COBLL1: variants seen among roughly 807,000 people sequenced by gnomAD.
COBLL1 encodes the protein cordon-bleu WH2 repeat protein like 1.
COBLL1 carries 50 observed loss-of-function variants against 94.8 expected under a neutral mutation model. That is an observed-to-expected ratio of 0.53 (90% CI 0.42 to 0.67). The LOEUF (loss-of-function observed/expected upper bound fraction) is 0.67, where lower values mean the gene tolerates loss of function less well. Among genes scored for constraint, COBLL1 ranks in the 30% least tolerant of loss-of-function variants. COBLL1 has a pLI of 0.00. For missense variants in COBLL1, 1,362 were observed against 1,348.7 expected, an observed-to-expected ratio of 1.01 and a Z score of -0.15; for synonymous variants, 448 against 473.8, an observed-to-expected ratio of 0.95 and a Z score of 0.71.
intron 1 of COBLL1, among the ~76,000 whole-genome samples, chr2:164,667,167 G>A (rs1019590655): frequency 7.9e-5 from 12 of 151,998 alleles, no homozygotes; most frequent in Admixed American, 6.5e-4. Flanking sequence ...CATTATCAAT[G>A]AACAGTAATA....
chr2:164,687,903 A>C, intron 13 of COBLL1: 1 of 236,540 alleles, frequency 4.2e-6, no homozygotes, highest in Non-Finnish European at 8.4e-6. Flanking sequence ...TGTTTTAGGC[A>C]TTTAGAAAAC....
In COBLL1 at chr2:164,700,535, T is replaced by C; in HGVS notation, c.1447A>G (p.Ser483Gly). ...NSMEEKQETK[S>G]TDGQEPHSVV... Reference sequence around the variant, plus strand: ...GAGACTACTTACTGTCCATCTGTGCTTTTAGTTTCTTGTTTTTCTTCCATG... The same window carrying C: ...GAGACTACTTACTGTCCATCTGTGCCTTTAGTTTCTTGTTTTTCTTCCATG... Residue 483 changes from serine (S) to glycine (G), a missense_variant, in exon 10 of 14, where the codon AGC (serine) becomes GGC (glycine). Coordinates refer to ENST00000652658, the MANE Select transcript of COBLL1 (RefSeq NM_001365672.2). The C allele has an allele frequency of 6.2e-7, 1 of 1,611,988 alleles. No homozygotes were observed. Among genetic ancestry groups the C allele is most frequent in the Non-Finnish European group, 8.5e-7 (1 of 1,178,260 alleles).
intron 2 of COBLL1, among the ~76,000 whole-genome samples, chr2:164,664,693 A>G (rs748602396): frequency 1.3e-5 from 2 of 152,240 alleles, no homozygotes; most frequent in African/African-American, 4.8e-5. Context: ...TAATTTCTTC[A>G]TAAGGCGTCT....
intron 2 of COBLL1, among the ~76,000 whole-genome samples, chr2:164,812,842 A>G (rs1257346686): frequency 2.0e-5 from 3 of 152,138 alleles, no homozygotes; most frequent in African/African-American, 4.8e-5. Flanking sequence ...AGCATTATGC[A>G]GTTGCACCCT....
Position 164,692,385 on chromosome 2 carries a change from C to T in COBLL1, c.3136G>A (p.Ala1046Thr). ...ATTTGGGAATTCTGTTCATTATGTG[C>T]AGAGTTATTTTCCTACAAAAATAAA... Reference protein sequence around the residue: ...LGVSDKENNSAHNEQNSQIPT... With the variant: ...LGVSDKENNSTHNEQNSQIPT... Residue 1046 changes from alanine (A) to threonine (T), a missense_variant, in exon 13 of 14, where the codon GCA (alanine) becomes ACA (threonine). Coordinates refer to ENST00000652658, the MANE Select transcript of COBLL1 (RefSeq NM_001365672.2). The T allele has an allele frequency of 6.2e-7, 1 of 1,601,860 alleles. No individual in the cohort carries two copies. Among genetic ancestry groups the T allele is most frequent in the Non-Finnish European group, 8.5e-7 (1 of 1,175,808 alleles).
chr2:164,788,812 T>C (rs1349460769), intron 2 of COBLL1, among the ~76,000 whole-genome samples: 3 of 146,974 alleles, frequency 2.0e-5, no homozygotes, highest in Non-Finnish European at 3.0e-5. Context: ...CTGGTCAACA[T>C]AGTGAGACCC....
At chr2:164,740,421 A>C (rs1164952415) in intron 3 of COBLL1, among the ~76,000 whole-genome samples, 1 of 152,130 alleles carries the variant, frequency 6.6e-6, no homozygotes, top group Non-Finnish European at 1.5e-5. Flanking sequence ...TTCAGCCCTA[A>C]ACAAAATTTA....
intron 2 of COBLL1, among the ~76,000 whole-genome samples, chr2:164,809,973 T>C (rs1684381122): frequency 1.3e-5 from 2 of 151,802 alleles, no homozygotes; most frequent in African/African-American, 2.4e-5. Context: ...TAAAAAATCA[T>C]CTATCTTCTT....
intron 2 of COBLL1, among the ~76,000 whole-genome samples, chr2:164,811,613 A>AT (rs896373005): frequency 6.6e-6 from 1 of 151,922 alleles, no homozygotes; most frequent in Non-Finnish European, 1.5e-5. Flanking sequence ...AAGATTACTT[A>AT]TTTTAAAATG....
At chr2:164,774,811 C>G (rs1205194156) in intron 2 of COBLL1, among the ~76,000 whole-genome samples, 1 of 149,858 alleles carries the variant, frequency 6.7e-6, no homozygotes, top group East Asian at 2.0e-4. Context: ...GTACTGTATA[C>G]TGGAAACTGG....
intron 7 of COBLL1, among the ~76,000 whole-genome samples, chr2:164,705,931 G>A (rs1292275612): frequency 6.6e-6 from 1 of 152,212 alleles, no homozygotes; most frequent in African/African-American, 2.4e-5. Context: ...CTACTCGGGA[G>A]GCTAAGGCAG....
At chr2:164,763,795 A>G (rs16849728) in intron 2 of COBLL1, among the ~76,000 whole-genome samples, 8,972 of 152,310 alleles carry the variant, frequency 0.059, 298 homozygotes, top group East Asian at 0.14. Flanking sequence ...TAAAAATAAA[A>G]ATGATTACGT....
Position 164,841,209 on chromosome 2 carries a change from C to T in COBLL1, c.-13G>A. ...TTCGGCCGTCCATCGCCCTGCGGGGCGCTGCGCGGGCTCCAGCTCCCAGGC... is the reference window on the plus strand; with the variant it reads ...TTCGGCCGTCCATCGCCCTGCGGGGTGCTGCGCGGGCTCCAGCTCCCAGGC... On this transcript the variant is annotated 5_prime_UTR_variant, in exon 2 of 14. Transcript: ENST00000652658. The surrounding 1 kb of genome is among the most constrained non-coding windows in gnomAD (Gnocchi z 5.5). The T allele has an allele frequency of 1.6e-6, 2 of 1,231,926 alleles. No individual in the cohort carries two copies. Among genetic ancestry groups the T allele is most frequent in the Non-Finnish European group, 2.0e-6 (2 of 988,876 alleles). 76.3% of individuals were successfully genotyped at this position (1,231,926 alleles called of 1,614,324 possible).
At chr2:164,783,699 A>G (rs1400907302) in intron 2 of COBLL1, among the ~76,000 whole-genome samples, 2 of 147,232 alleles carry the variant, frequency 1.4e-5, no homozygotes, top group Non-Finnish European at 2.9e-5. Context: ...AGGCGCAGTG[A>G]TTCATGCCTA....
upstream of COBLL1, chr2:164,841,911 C>G (rs901274694): frequency 1.7e-5 from 25 of 1,449,658 alleles, no homozygotes; most frequent in Middle Eastern, 1.9e-4. The surrounding 1 kb of genome is among the most constrained non-coding windows in gnomAD (Gnocchi z 5.5). Flanking sequence ...GGTGCGGGCG[C>G]TGGCTGGGCG....
chr2:164,689,855 G>A (rs1683500952), intron 13 of COBLL1, among the ~76,000 whole-genome samples: 1 of 151,950 alleles, frequency 6.6e-6, no homozygotes, highest in South Asian at 2.1e-4. Flanking sequence ...TTTTCCCTCT[G>A]GAAGTAAGCG....
At chr2:164,759,121 G>T (rs1012158986) in intron 2 of COBLL1, among the ~76,000 whole-genome samples, 10 of 152,050 alleles carry the variant, frequency 6.6e-5, no homozygotes, top group Non-Finnish European at 1.2e-4. Context: ...AAAACCAAAA[G>T]TTGCTTTCAA....
downstream of COBLL1, among the ~76,000 whole-genome samples, chr2:164,676,390 T>G (rs537079281): frequency 1.1e-4 from 17 of 152,298 alleles, no homozygotes; most frequent in African/African-American, 4.1e-4. Flanking sequence ...TTGCAGAGTC[T>G]CAGCTTTGAT....
intron 2 of COBLL1, among the ~76,000 whole-genome samples, chr2:164,782,980 T>C (rs749621972): frequency 6.6e-6 from 1 of 151,994 alleles, no homozygotes; most frequent in Admixed American, 6.6e-5. Context: ...TGCTTTCCCA[T>C]TTTTTTTCAT....
Sources: allele counts gnomAD v4.1 joint callset (sites outside exome capture counted in the v4.1 genomes callset), GRCh38; gene constraint gnomAD v4.1.1; non-coding constraint Gnocchi (gnomAD v3.1); transcripts MANE v1.5; gene names NCBI Gene and HGNC (gene_info 2026-07-23, HGNC 2026-07-21).